Variants in VWC2L observed in about 807,000 individuals in gnomAD.
VWC2L encodes the protein von Willebrand factor C domain-containing protein 2-like.
VWC2L carries 10 observed loss-of-function variants against 21.6 expected under a neutral mutation model. The observed-to-expected ratio is 0.46, with a 90% CI of 0.29 to 0.78. The LOEUF is 0.78. Among genes scored for constraint, VWC2L ranks in the 30% least tolerant of loss-of-function variants. VWC2L has a pLI of 0.10. For missense variants in VWC2L, 209 were observed against 277.1 expected, an observed-to-expected ratio of 0.75 and a Z score of 1.74; for synonymous variants, 96 against 94.3, an observed-to-expected ratio of 1.02 and a Z score of -0.10.
chr2:214,551,741 C>G (rs1212532939), intron 3 of VWC2L, among the ~76,000 whole-genome samples: 1 of 152,198 alleles, frequency 6.6e-6, no homozygotes, highest in East Asian at 1.9e-4. Context: ...AAATGTCTGC[C>G]TCCTCCAATA....
At chr2:214,488,223 T>G (rs1688698069) in intron 3 of VWC2L, among the ~76,000 whole-genome samples, 1 of 152,198 alleles carries the variant, frequency 6.6e-6, no homozygotes. Context: ...ATAAGTCTAT[T>G]TTCTGTAATT....
intron 3 of VWC2L, among the ~76,000 whole-genome samples, chr2:214,561,641 G>T (rs925598213): frequency 6.6e-6 from 1 of 151,452 alleles, no homozygotes; most frequent in Non-Finnish European, 1.5e-5. Context: ...CAGGTGTGGT[G>T]GCATATGCCT....
intron 3 of VWC2L, among the ~76,000 whole-genome samples, chr2:214,532,463 G>C (rs1258227762): frequency 6.6e-6 from 1 of 152,116 alleles, no homozygotes; most frequent in Non-Finnish European, 1.5e-5. Flanking sequence ...TTCCATGGAG[G>C]AGTCAATTCT....
At chr2:214,494,286 T>C (rs982280185) in intron 3 of VWC2L, among the ~76,000 whole-genome samples, 5 of 152,194 alleles carry the variant, frequency 3.3e-5, no homozygotes, top group Admixed American at 1.3e-4. Flanking sequence ...TAATTTACTC[T>C]CATAGACATG....
chr2:214,418,638 A>T (rs1170193877), intron 2 of VWC2L, among the ~76,000 whole-genome samples: 1 of 152,170 alleles, frequency 6.6e-6, no homozygotes, highest in Non-Finnish European at 1.5e-5. Context: ...CGTGTGAGCT[A>T]TGTAACAGTC....
At chr2:214,494,077 G>A (rs978226047) in intron 3 of VWC2L, among the ~76,000 whole-genome samples, 3 of 151,914 alleles carry the variant, frequency 2.0e-5, no homozygotes, top group Non-Finnish European at 4.4e-5. Flanking sequence ...AATCACTGGA[G>A]ACATCCACTC....
At chr2:214,439,177 G>A (rs368218689) in intron 3 of VWC2L, among the ~76,000 whole-genome samples, 1 of 151,978 alleles carries the variant, frequency 6.6e-6, no homozygotes, top group Non-Finnish European at 1.5e-5. Flanking sequence ...ATTTTATTGA[G>A]AAGACAGACT....
chr2:214,517,572 C>A (rs1689165094), intron 3 of VWC2L, among the ~76,000 whole-genome samples: 1 of 152,024 alleles, frequency 6.6e-6, no homozygotes, highest in South Asian at 2.1e-4. Flanking sequence ...AAAACATTGA[C>A]CTAGATGCAA....
intron 3 of VWC2L, among the ~76,000 whole-genome samples, chr2:214,456,598 T>C (rs1164480899): frequency 6.6e-6 from 1 of 152,152 alleles, no homozygotes; most frequent in Non-Finnish European, 1.5e-5. Context: ...CCCATGTGTC[T>C]ATTTTTATTT....
At chr2:214,541,680 A>G (rs564842873) in intron 3 of VWC2L, among the ~76,000 whole-genome samples, 19 of 152,278 alleles carry the variant, frequency 1.2e-4, no homozygotes, top group African/African-American at 4.3e-4. Flanking sequence ...CCAACGAACC[A>G]TGGTTTTCCC....
intron 1 of VWC2L, among the ~76,000 whole-genome samples, chr2:214,412,378 A>G (rs1000179885): frequency 2.6e-5 from 4 of 152,108 alleles, no homozygotes; most frequent in African/African-American, 9.6e-5. Context: ...TAAATATGTG[A>G]TGTATAAATG....
chr2:214,550,570 C>T (rs957659708), intron 3 of VWC2L, among the ~76,000 whole-genome samples: 1 of 152,144 alleles, frequency 6.6e-6, no homozygotes, highest in African/African-American at 2.4e-5. Context: ...TGACATTACC[C>T]ATCACCCCAT....
intron 3 of VWC2L, among the ~76,000 whole-genome samples, chr2:214,516,471 C>A (rs1689144946): frequency 6.6e-6 from 1 of 152,220 alleles, no homozygotes; most frequent in African/African-American, 2.4e-5. Flanking sequence ...CAGAAGATAC[C>A]AGACTAGGCA....
chr2:214,527,218 G>A (rs1265269659), intron 3 of VWC2L, among the ~76,000 whole-genome samples: 1 of 152,032 alleles, frequency 6.6e-6, no homozygotes, highest in Non-Finnish European at 1.5e-5. Flanking sequence ...ACATAAAGAT[G>A]GCAACAATAG....
At chr2:214,544,447 G>A (rs1236034573) in intron 3 of VWC2L, among the ~76,000 whole-genome samples, 1 of 152,162 alleles carries the variant, frequency 6.6e-6, no homozygotes, top group Non-Finnish European at 1.5e-5. Flanking sequence ...CTATGACTTA[G>A]AAATTCCTTA....
intron 3 of VWC2L, among the ~76,000 whole-genome samples, chr2:214,475,332 T>A (rs894678709): frequency 1.3e-5 from 2 of 152,108 alleles, no homozygotes; most frequent in African/African-American, 4.8e-5. Context: ...TGGATGCATT[T>A]GTTAGCAAAT....
At position 214,528,646 on chromosome 2, in the gene VWC2L, C is replaced by T. The variant is rs572633957; in HGVS notation, c.521-47026C>T. 7.2e-4 allele frequency among the ~76,000 whole-genome samples: 110 copies of T among 151,922 alleles called. 1 individual carries two copies. Among genetic ancestry groups the T allele is most frequent in the Middle Eastern group, 3.2e-3 (1 of 316 alleles). Reference sequence around the variant, plus strand: ...GGAACCCAGAATGAACCATTTGCCACGGGTAACCAGATCACTACAGAGCAA... The same window carrying T: ...GGAACCCAGAATGAACCATTTGCCATGGGTAACCAGATCACTACAGAGCAA... On this transcript the variant is annotated intron_variant, in intron 3 of 3. Coordinates refer to ENST00000312504, the MANE Select transcript of VWC2L (RefSeq NM_001080500.4).
chr2:214,482,594 T>C (rs1165536319), intron 3 of VWC2L, among the ~76,000 whole-genome samples: 1 of 149,990 alleles, frequency 6.7e-6, no homozygotes, highest in Non-Finnish European at 1.5e-5. Flanking sequence ...CAAATATATA[T>C]ATTTACCAGT....
intron 3 of VWC2L, among the ~76,000 whole-genome samples, chr2:214,490,640 C>G (rs1044641920): frequency 6.6e-6 from 1 of 152,112 alleles, no homozygotes; most frequent in Non-Finnish European, 1.5e-5. Context: ...CAAAGGGAAA[C>G]AGGCCCCAGC....
Sources: gnomAD v4.1 joint callset for allele counts (sites outside exome capture counted in the v4.1 genomes callset) on GRCh38, gnomAD v4.1.1 for gene constraint, MANE v1.5 for transcripts, NCBI Gene and HGNC (gene_info 2026-07-23, HGNC 2026-07-21) for gene names.